Variants in NRG1 observed in about 807,000 individuals in gnomAD.
The protein encoded by NRG1 is neuregulin 1.
Under a neutral mutation model 63.8 loss-of-function variants are expected in NRG1, and 18 were observed. That is an observed-to-expected ratio of 0.28 (90% CI 0.19 to 0.42). The LOEUF (loss-of-function observed/expected upper bound fraction) is 0.42, where lower values mean the gene tolerates loss of function less well. NRG1 is among the 10% of genes least tolerant of loss of function. The probability of loss-of-function intolerance (pLI) is 1.00; values close to 1 mark genes in which losing one functional copy is unlikely to be tolerated. For missense variants in NRG1, 762 were observed against 814.7 expected, an observed-to-expected ratio of 0.94 and a Z score of 0.79; for synonymous variants, 302 against 301.3, an observed-to-expected ratio of 1.00 and a Z score of -0.02.
At chr8:32,034,106 T>G (rs1818680485) in intron 1 of NRG1, among the ~76,000 whole-genome samples, 1 of 152,218 alleles carries the variant, frequency 6.6e-6, no homozygotes, top group Non-Finnish European at 1.5e-5. Flanking sequence ...TGGCTCTTAT[T>G]ATTTTGAGGT....
chr8:32,641,981 A>C (rs977505961), intron 5 of NRG1, among the ~76,000 whole-genome samples: 3 of 152,316 alleles, frequency 2.0e-5, no homozygotes, highest in East Asian at 3.9e-4. Context: ...AAGAAAAAAT[A>C]GTTAAATATT....
rs577582929 is a variant in NRG1, at chr8:31,847,516, AC to A, written c.37+208087del. On this transcript the variant is annotated intron_variant, in intron 1 of 10. Coordinates refer to the NRG1 transcript ENST00000519301. ...GCTGTTGAAGCAGCTAAAAAACCCT[AC>A]CTTTTCTACTATTGAGCAATAAAAG... Among the ~76,000 whole-genome samples the A allele has an allele frequency of 3.8e-3, 573 of 152,332 alleles. 1 individual carries two copies. The highest frequency in any genetic ancestry group is 0.024 in the Middle Eastern group (7 of 294).
intron 1 of NRG1, among the ~76,000 whole-genome samples, chr8:32,216,460 T>C (rs544277369): frequency 6.0e-5 from 9 of 148,784 alleles, no homozygotes; most frequent in African/African-American, 2.2e-4. Flanking sequence ...TACATTACAA[T>C]TGTATTATCA....
At chr8:32,550,502 G>C (rs1456923384) in intron 1 of NRG1, among the ~76,000 whole-genome samples, 2 of 152,106 alleles carry the variant, frequency 1.3e-5, no homozygotes, top group South Asian at 2.1e-4. Flanking sequence ...AAGTTTCTGT[G>C]GTCCTCTGTA....
At chr8:31,939,868 G>A (rs551085932) in intron 1 of NRG1, among the ~76,000 whole-genome samples, 18 of 152,010 alleles carry the variant, frequency 1.2e-4, no homozygotes, top group African/African-American at 3.9e-4. Context: ...GGAAAATACC[G>A]CAATTCTAAA....
intron 1 of NRG1, among the ~76,000 whole-genome samples, chr8:31,923,961 G>C (rs996799999): frequency 1.3e-5 from 2 of 152,076 alleles, no homozygotes; most frequent in Admixed American, 1.3e-4. Flanking sequence ...CCATTTATAA[G>C]TGAGAACATG....
intron 1 of NRG1, among the ~76,000 whole-genome samples, chr8:32,539,098 G>A (rs939371049): frequency 5.9e-5 from 9 of 152,192 alleles, no homozygotes; most frequent in Non-Finnish European, 1.3e-4. Context: ...GAAAACCATA[G>A]TTCAGTGTGG....
intron 1 of NRG1, among the ~76,000 whole-genome samples, chr8:32,372,321 T>G (rs1047232058): frequency 1.3e-5 from 2 of 152,030 alleles, no homozygotes; most frequent in Non-Finnish European, 2.9e-5. Context: ...TTTATGATTC[T>G]GACTATAGCT....
At chr8:32,131,839 C>G (rs1270423134) in intron 1 of NRG1, among the ~76,000 whole-genome samples, 1 of 151,980 alleles carries the variant, frequency 6.6e-6, no homozygotes, top group Non-Finnish European at 1.5e-5. Context: ...TTAGTATTGA[C>G]ATAGCCACTA....
At chr8:31,703,683 C>CAT (rs1810851847) in intron 1 of NRG1, among the ~76,000 whole-genome samples, 1 of 152,136 alleles carries the variant, frequency 6.6e-6, no homozygotes, top group Non-Finnish European at 1.5e-5. Context: ...CAGGGGAGTA[C>CAT]AAGAAACTGG....
intron 1 of NRG1, among the ~76,000 whole-genome samples, chr8:31,920,666 A>C (rs1455522092): frequency 1.3e-5 from 2 of 152,066 alleles, no homozygotes; most frequent in Non-Finnish European, 2.9e-5. Flanking sequence ...GGTACTCACT[A>C]TCTGTATGAC....
chr8:32,411,234 A>G (rs891917913), intron 1 of NRG1, among the ~76,000 whole-genome samples: 1 of 152,172 alleles, frequency 6.6e-6, no homozygotes, highest in Middle Eastern at 3.2e-3. Context: ...GGCTTATCCA[A>G]GAGTTCATAC....
chr8:31,929,141 A>G (rs984751406), intron 1 of NRG1, among the ~76,000 whole-genome samples: 4 of 152,220 alleles, frequency 2.6e-5, no homozygotes, highest in Non-Finnish European at 5.9e-5. Context: ...AATAAAACAC[A>G]GGTTCCCAAC....
intron 1 of NRG1, among the ~76,000 whole-genome samples, chr8:31,641,227 C>A (rs1803744731): frequency 6.6e-6 from 1 of 152,096 alleles, no homozygotes; most frequent in Admixed American, 6.5e-5. Context: ...CATTCCCCGA[C>A]AGATGTGGCA....
At chr8:32,066,172 C>T (rs977336383) in intron 1 of NRG1, among the ~76,000 whole-genome samples, 7 of 152,220 alleles carry the variant, frequency 4.6e-5, no homozygotes, top group East Asian at 1.9e-4. Flanking sequence ...TTTTGCTGTG[C>T]AGAAGCTCTT....
At position 32,680,603 on chromosome 8, in the gene NRG1, T is replaced by A. The variant is rs147587218; in HGVS notation, c.503-47346T>A. ...GATAGCAATGGTAACCATTTATTGATGACAGGACTGGACTTTTTTAAGACT... is the reference window on the plus strand; with the variant it reads ...GATAGCAATGGTAACCATTTATTGAAGACAGGACTGGACTTTTTTAAGACT... On this transcript the variant is annotated intron_variant, in intron 5 of 11. Transcript: ENST00000356819. Among the ~76,000 whole-genome samples the A allele has an allele frequency of 1.6e-3, 245 of 152,296 alleles. 2 individuals are homozygous for A. The highest frequency in any genetic ancestry group is 5.6e-3 in the African/African-American group (232 of 41,570).
At chr8:32,744,269 G>A (rs563884061) in intron 7 of NRG1, among the ~76,000 whole-genome samples, 1 of 152,194 alleles carries the variant, frequency 6.6e-6, no homozygotes, top group Admixed American at 6.6e-5. Flanking sequence ...CATTTATTTA[G>A]GGAGGTAGTA....
chr8:32,252,947 C>G (rs1010029610), intron 1 of NRG1, among the ~76,000 whole-genome samples: 1 of 152,146 alleles, frequency 6.6e-6, no homozygotes, highest in African/African-American at 2.4e-5. Context: ...ATTTTATTCT[C>G]TTTGTAGCCA....
At chr8:31,769,984 G>T (rs1818455012) in intron 1 of NRG1, among the ~76,000 whole-genome samples, 1 of 152,148 alleles carries the variant, frequency 6.6e-6, no homozygotes, top group South Asian at 2.1e-4. Context: ...GGAGTACCGG[G>T]GAGAGAGAAT....
Sources: gnomAD v4.1 joint callset for allele counts (sites outside exome capture counted in the v4.1 genomes callset) on GRCh38, gnomAD v4.1.1 for gene constraint, MANE v1.5 for transcripts, NCBI Gene and HGNC (gene_info 2026-07-23, HGNC 2026-07-21) for gene names.